Variants in ARL17B observed in about 807,000 individuals in gnomAD.
ARL17B encodes the protein ARF like GTPase 17B, also known as ADP-ribosylation factor-like protein 17.
chr17:46,284,257 C>T (rs1016367948), intron 4 of ARL17B, among the ~76,000 whole-genome samples: 1 of 152,258 alleles, frequency 6.6e-6, no homozygotes, highest in African/African-American at 2.4e-5. Context: ...CAATACCTGG[C>T]TTTCCTAGGC....
intron 4 of ARL17B, among the ~76,000 whole-genome samples, chr17:46,292,031 A>T (rs1408372319): frequency 7.2e-6 from 1 of 139,154 alleles, no homozygotes; most frequent in African/African-American, 2.7e-5. Flanking sequence ...TCCAAATGAA[A>T]TTATAGAGCA....
At chr17:46,343,755 A>AT (rs1403833226) in intron 3 of ARL17B, among the ~76,000 whole-genome samples, 6 of 54,002 alleles carry the variant, frequency 1.1e-4, no homozygotes, top group South Asian at 6.0e-4. Flanking sequence ...ATTTATTTTT[A>AT]TTTTTTTTGA....
chr17:46,281,981 A>C (rs2143362664), intron 4 of ARL17B, among the ~76,000 whole-genome samples: 1 of 152,196 alleles, frequency 6.6e-6, no homozygotes, highest in Middle Eastern at 3.4e-3. Context: ...TTTTTGGTCT[A>C]TAACCTGCTG....
At chr17:46,289,610 G>T (rs1372753460) in intron 4 of ARL17B, among the ~76,000 whole-genome samples, 1 of 152,160 alleles carries the variant, frequency 6.6e-6, no homozygotes, top group African/African-American at 2.4e-5. Context: ...AAAGTGCTTG[G>T]ATTACAAGTG....
intron 3 of ARL17B, among the ~76,000 whole-genome samples, chr17:46,317,217 C>A (rs1467899630): frequency 1.2e-5 from 1 of 81,842 alleles, no homozygotes; most frequent in African/African-American, 3.1e-5. Flanking sequence ...TTTGTAGAGA[C>A]AGGGTTTTAC....
rs78255121 is a variant in ARL17B at position 46,288,305 on chromosome 17, C to CTT, written c.*21+11219_*21+11220dup. On this transcript the variant is annotated intron_variant, in intron 4 of 4. Transcript: ENST00000570618. ...TACAGATGTGCACCACCAGGCCCGG[C>CTT]TTTTTTTTTTTTTTTTTTTTTTTGA... 2.0e-3 allele frequency among the ~76,000 whole-genome samples: 229 copies of CTT among 112,216 alleles called. 2 individuals carry two copies. Among genetic ancestry groups the CTT allele is most frequent in the African/African-American group, 2.9e-3 (74 of 25,368 alleles). The allele number at this position is 112,216 out of a possible 152,430, so 73.6% of individuals were successfully genotyped here.
chr17:46,289,419 C>T (rs2050007331), intron 4 of ARL17B, among the ~76,000 whole-genome samples: 2 of 150,616 alleles, frequency 1.3e-5, no homozygotes, highest in South Asian at 2.1e-4. Context: ...GATCTGCCTG[C>T]CTTTGCCTCC....
chr17:46,287,085 C>A (rs1377612978), intron 4 of ARL17B, among the ~76,000 whole-genome samples: 1 of 152,238 alleles, frequency 6.6e-6, no homozygotes, highest in Non-Finnish European at 1.5e-5. Context: ...TATGAGTCAG[C>A]TAAACATTCC....
At position 46,306,053 on chromosome 17, in the gene ARL17B, C is replaced by T. The variant is rs1242693785; in HGVS notation, c.260-6388G>A. 9.8e-5 allele frequency among the ~76,000 whole-genome samples: 8 copies of T among 81,440 alleles called. 1 individual carries two copies. The highest frequency in any genetic ancestry group is 1.6e-4 in the African/African-American group (5 of 31,888). 53.4% of individuals were successfully genotyped at this position (81,440 alleles called of 152,430 possible). On this transcript the variant is annotated intron_variant, in intron 3 of 4. Coordinates refer to the ARL17B transcript ENST00000434041. Reference sequence around the variant, plus strand: ...ATTCACTGTTTTGTATCTAATGCACCACGTGTGCAGTGTTAAAGTATAAAT... The same window carrying T: ...ATTCACTGTTTTGTATCTAATGCACTACGTGTGCAGTGTTAAAGTATAAAT...
At chr17:46,288,628 T>G (rs867037243) in intron 4 of ARL17B, among the ~76,000 whole-genome samples, 16 of 152,068 alleles carry the variant, frequency 1.1e-4, no homozygotes, top group African/African-American at 3.9e-4. Context: ...AAAGTTTTAA[T>G]GAGCAGTGAG....
chr17:46,293,825 A>C lies in ARL17B; in HGVS notation c.*21+5701T>G. 6.3e-6 allele frequency: 2 copies of C among 316,424 alleles called. 1 individual carries two copies. The highest frequency in any genetic ancestry group is 8.7e-6 in the Non-Finnish European group (2 of 229,468). 19.6% of individuals were successfully genotyped at this position (316,424 alleles called of 1,614,324 possible). A position where few individuals can be genotyped will look rare whatever the true frequency, so the allele number is the denominator to read the frequency against. On this transcript the variant is annotated intron_variant, in intron 4 of 4. Coordinates refer to the ARL17B transcript ENST00000570618. ...GAGGAAGTCAGCACTCATTTCAGAAATCTGATTATAACGATAGCTCCATCC... is the reference window on the plus strand; with the variant it reads ...GAGGAAGTCAGCACTCATTTCAGAACTCTGATTATAACGATAGCTCCATCC...
intron 4 of ARL17B, among the ~76,000 whole-genome samples, chr17:46,277,683 G>C (rs2049629851): frequency 7.4e-6 from 1 of 136,028 alleles, no homozygotes; most frequent in African/African-American, 2.6e-5. Context: ...GAGTCTTGCT[G>C]TTGCCCAGGT....
intron 4 of ARL17B, among the ~76,000 whole-genome samples, chr17:46,290,484 A>G (rs1298233941): frequency 3.3e-5 from 5 of 152,192 alleles, no homozygotes; most frequent in African/African-American, 1.2e-4. Flanking sequence ...TTCGAGATGG[A>G]GTCTCGCTCT....
At chr17:46,276,445 G>T (rs2049588741) in intron 4 of ARL17B, among the ~76,000 whole-genome samples, 1 of 152,138 alleles carries the variant, frequency 6.6e-6, no homozygotes, top group African/African-American at 2.4e-5. Context: ...GTAATCACAA[G>T]GTACAATAAA....
chr17:46,279,018 G>A (rs1423536864), intron 4 of ARL17B, among the ~76,000 whole-genome samples: 18 of 151,846 alleles, frequency 1.2e-4, no homozygotes, highest in East Asian at 1.9e-4. Flanking sequence ...GGCTGGTCTC[G>A]AACTCCTGAT....
chr17:46,357,224 A>C (rs1226412041), intron 2 of ARL17B, among the ~76,000 whole-genome samples: 1 of 99,220 alleles, frequency 1.0e-5, no homozygotes, highest in Non-Finnish European at 1.9e-5. Context: ...GCCTAATTCA[A>C]TATTCAGAAC....
chr17:46,278,402 T>G (rs546206653), intron 4 of ARL17B, among the ~76,000 whole-genome samples: 14 of 129,350 alleles, frequency 1.1e-4, no homozygotes, highest in African/African-American at 3.3e-4. Context: ...TTTTATTTTG[T>G]TTTTTTTTTG....
intron 4 of ARL17B, among the ~76,000 whole-genome samples, chr17:46,279,793 C>A (rs2049710168): frequency 1.3e-5 from 2 of 152,232 alleles, no homozygotes; most frequent in South Asian, 2.1e-4. Context: ...CCATTCCCAG[C>A]CAACAGGCCC....
At chr17:46,289,820 T>G (rs1334743761) in intron 4 of ARL17B, among the ~76,000 whole-genome samples, 4 of 152,232 alleles carry the variant, frequency 2.6e-5, no homozygotes, top group Non-Finnish European at 5.9e-5. Flanking sequence ...ATTTTATTTT[T>G]CCTTCTTTGA....
Sources: allele counts gnomAD v4.1 joint callset (sites outside exome capture counted in the v4.1 genomes callset), GRCh38; gene constraint gnomAD v4.1.1; transcripts MANE v1.5; gene names NCBI Gene and HGNC (gene_info 2026-07-23, HGNC 2026-07-21).